SYAP1: variants seen among roughly 807,000 people sequenced by gnomAD.
The protein encoded by SYAP1 is synapse-associated protein 1.
Under a neutral mutation model 29.6 loss-of-function variants are expected in SYAP1, and 3 were observed. The ratio of observed to expected loss-of-function variants is 0.10; its 90% CI spans 0.05 to 0.26. The LOEUF (loss-of-function observed/expected upper bound fraction) is 0.26, where lower values mean the gene tolerates loss of function less well. Among genes scored for constraint, SYAP1 ranks in the 10% least tolerant of loss-of-function variants. SYAP1 has a pLI of 1.00. For synonymous variants in SYAP1, 102 were observed against 102.7 expected (o/e 0.99, Z 0.04); for missense variants, 217 against 264.1 (o/e 0.82, Z 1.24).
chrX:16,742,377 C>T (rs995763099), intron 4 of SYAP1, among the ~76,000 whole-genome samples: 9 of 109,367 alleles, frequency 8.2e-5, no homozygotes, highest in African/African-American at 3.0e-4. Flanking sequence ...GTCTCGAACT[C>T]CTGATCTCGT....
At chrX:16,736,928 G>T (rs1307868743) in intron 3 of SYAP1, among the ~76,000 whole-genome samples, 1 of 111,562 alleles carries the variant, frequency 9.0e-6, no homozygotes, top group Non-Finnish European at 1.9e-5. Flanking sequence ...GCTTCCGAGG[G>T]AGGCGAGTGA....
At chrX:16,734,404 A>G (rs1243786383) in intron 1 of SYAP1, among the ~76,000 whole-genome samples, 1 of 108,456 alleles carries the variant, frequency 9.2e-6, no homozygotes, top group African/African-American at 3.3e-5. Flanking sequence ...AAAAAAAAAG[A>G]TTTCTGTTTC....
In SYAP1 at chrX:16,761,980, T is replaced by C. The variant is rs1024585506; in HGVS notation, c.*1621T>C. ...TGTGTCTGAGCCAGACTGTCTCAACTGGAGTCTCTTGGGTTATAGCAGTAA... is the reference window on the plus strand; with the variant it reads ...TGTGTCTGAGCCAGACTGTCTCAACCGGAGTCTCTTGGGTTATAGCAGTAA... On this transcript the variant is annotated 3_prime_UTR_variant, in exon 9 of 9. Coordinates refer to ENST00000380155, the MANE Select transcript of SYAP1 (RefSeq NM_032796.4). 9.0e-6 allele frequency: 1 copy of C among 111,689 alleles called. No homozygotes were observed. Among genetic ancestry groups the C allele is most frequent in the Non-Finnish European group, 1.9e-5 (1 of 53,207 alleles). The allele number at this position is 111,689 out of a possible 1,213,427, so 9.2% of individuals were successfully genotyped here.
In SYAP1 at chrX:16,723,478, C is replaced by T. The variant is rs1382907516; in HGVS notation, c.175+3579C>T. Among the ~76,000 whole-genome samples, 4 of 111,337 alleles carry T rather than the reference C, an allele frequency of 3.6e-5. No individual in the cohort carries two copies. The Admixed American group carries it at 3.9e-4, about 11-fold the overall frequency. On this transcript the variant is annotated intron_variant, in intron 1 of 8. Coordinates refer to ENST00000380155, the MANE Select transcript of SYAP1 (RefSeq NM_032796.4). ...ACCTGAGGCTGTGGGGTAGAAATGA[C>T]TAGAGAAGTGAGAAGAATTTTCTGA...
At chrX:16,743,951 C>T in intron 5 of SYAP1, 111 bp downstream of exon 5, 1 of 902,778 alleles carries the variant, frequency 1.1e-6, no homozygotes, top group Non-Finnish European at 1.5e-6. Context: ...AAAAGCAGGC[C>T]CCGCAGCCCT....
At chrX:16,759,677 A>T (rs1926938948) in intron 8 of SYAP1, among the ~76,000 whole-genome samples, 1 of 111,729 alleles carries the variant, frequency 9.0e-6, no homozygotes, top group South Asian at 3.7e-4. Context: ...CCATCCTTAT[A>T]TCTGTCGCTG....
intron 8 of SYAP1, among the ~76,000 whole-genome samples, chrX:16,757,527 T>C (rs936190390): frequency 1.1e-4 from 12 of 109,926 alleles, no homozygotes; most frequent in African/African-American, 4.0e-4. Flanking sequence ...GAGACCATCC[T>C]GGCTAACACG....
chrX:16,762,905 C>T lies in SYAP1; in HGVS notation c.*2546C>T, dbSNP rs1439803918. On this transcript the variant is annotated 3_prime_UTR_variant, in exon 9 of 9. Transcript: ENST00000380155. ...TACTGCTTTTTACTTTTTACCCTTC[C>T]ACTAGATGTCCTTTGCAGCAGTGTT... 1.8e-5 allele frequency: 2 copies of T among 111,675 alleles called. No individual in the cohort carries two copies. Among genetic ancestry groups the T allele is most frequent in the African/African-American group, 6.5e-5 (2 of 30,699 alleles). The allele number at this position is 111,675 out of a possible 1,213,427, so 9.2% of individuals were successfully genotyped here.
intron 1 of SYAP1, among the ~76,000 whole-genome samples, chrX:16,732,839 A>G (rs1926238839): frequency 8.9e-6 from 1 of 112,213 alleles, no homozygotes; most frequent in African/African-American, 3.2e-5. Context: ...CTGGGGATAC[A>G]GTGGGGTATC....
intron 2 of SYAP1, 75 bp downstream of exon 2, chrX:16,735,420 G>T (rs992638191): frequency 2.8e-6 from 2 of 710,324 alleles, no homozygotes; most frequent in Non-Finnish European, 4.2e-6. Context: ...TTCTTCTTAT[G>T]AACATTTTTT....
At chrX:16,744,178 A>C (rs1011450147) in intron 5 of SYAP1, among the ~76,000 whole-genome samples, 3 of 112,619 alleles carry the variant, frequency 2.7e-5, no homozygotes, top group African/African-American at 9.7e-5. Flanking sequence ...TTTTCCATTC[A>C]GGCTCTGCCC....
intron 4 of SYAP1, 34 bp downstream of exon 4, chrX:16,741,823 C>T: frequency 1.0e-6 from 1 of 980,078 alleles, no homozygotes; most frequent in Non-Finnish European, 1.4e-6. Context: ...ATAGAACATA[C>T]TTTCTTCTGT....
chrX:16,752,347 G>A (rs1049009628), intron 5 of SYAP1, among the ~76,000 whole-genome samples: 9 of 100,020 alleles, frequency 9.0e-5, no homozygotes, highest in Non-Finnish European at 1.8e-4. Flanking sequence ...TCTCTGAAGC[G>A]AGCACAGTTA....
At chrX:16,753,399 G>T (rs964217474) in intron 5 of SYAP1, among the ~76,000 whole-genome samples, 16 of 110,339 alleles carry the variant, frequency 1.5e-4, no homozygotes, top group Non-Finnish European at 3.0e-4. Context: ...GGATGACAGA[G>T]TGAGACTTTG....
intron 5 of SYAP1, among the ~76,000 whole-genome samples, chrX:16,750,048 C>T (rs749309619): frequency 4.5e-5 from 5 of 111,399 alleles, no homozygotes; most frequent in Non-Finnish European, 7.5e-5. Flanking sequence ...AGGCCCAGTT[C>T]TTAGTTCCCC....
rs1269082747 is a variant in SYAP1, at chrX:16,743,767, T to C, written c.502T>C (p.Tyr168His). 1 of 1,210,648 alleles carries C rather than the reference T, an allele frequency of 8.3e-7. No individual in the cohort carries two copies. The highest frequency in any genetic ancestry group is 1.8e-5 in the South Asian group (1 of 56,956). ...ATTTAATTTCGACTTTGATCAGATG[T>C]ACCCCGTGGCCCTGGTCATGCTCCA... is the stretch of plus-strand genomic sequence containing the variant. ...VQFNFDFDQM[Y>H]PVALVMLQED... Residue 168 changes from tyrosine to histidine, a missense_variant, in exon 5 of 9, where the codon TAC becomes CAC. By Grantham distance (83) the Tyr-to-His change is moderately conservative. Coordinates refer to ENST00000380155, the MANE Select transcript of SYAP1 (RefSeq NM_032796.4).
chrX:16,722,828 A>G lies in SYAP1; in HGVS notation c.175+2929A>G, dbSNP rs777530571. Among the ~76,000 whole-genome samples, 446 of 111,598 alleles carry G rather than the reference A, an allele frequency of 4.0e-3. 2 individuals are homozygous for G. Among genetic ancestry groups the G allele is most frequent in the Non-Finnish European group, 5.6e-3 (297 of 53,103 alleles). On this transcript the variant is annotated intron_variant, in intron 1 of 8. Transcript: ENST00000380155. ...AGAACTCACTTAAGAGCTCCTCCCT[A>G]CCTCCCTCAAGGCCCCATGCCGTTA...
intron 8 of SYAP1, 147 bp downstream of exon 8, chrX:16,757,456 C>A (rs1926868360): frequency 1.5e-6 from 1 of 665,774 alleles, no homozygotes; most frequent in Non-Finnish European, 2.1e-6. Flanking sequence ...GGCAATGGCT[C>A]ACGCTTGTAA....
At chrX:16,757,820 T>C (rs1926882961) in intron 8 of SYAP1, among the ~76,000 whole-genome samples, 1 of 108,677 alleles carries the variant, frequency 9.2e-6, no homozygotes, top group African/African-American at 3.4e-5. Context: ...GATGGGACAA[T>C]CACTTGAACC....
Sources: gnomAD v4.1 joint callset for allele counts (sites outside exome capture counted in the v4.1 genomes callset) on GRCh38, gnomAD v4.1.1 for gene constraint, MANE v1.5 for transcripts, NCBI Gene and HGNC (gene_info 2026-07-23, HGNC 2026-07-21) for gene names.